NPIPB11: variants seen among roughly 807,000 people sequenced by gnomAD.
NPIPB11 encodes the protein nuclear pore complex-interacting protein family member B11.
NPIPB11 carries 17 observed loss-of-function variants against 32.8 expected under a neutral mutation model. The ratio of observed to expected loss-of-function variants is 0.52; its 90% CI spans 0.35 to 0.78. The LOEUF (loss-of-function observed/expected upper bound fraction) is 0.78, where lower values mean the gene tolerates loss of function less well. NPIPB11 is among the 30% of genes least tolerant of loss of function. The pLI is 0.01. For synonymous variants in NPIPB11, 209 were observed against 398.4 expected, an observed-to-expected ratio of 0.52 and a Z score of 5.66; for missense variants, 537 against 1,000.4, an observed-to-expected ratio of 0.54 and a Z score of 6.25.
At chr16:29,383,007 C>G (rs768890279) in exon 8 of NPIPB11, 2 of 1,606,614 alleles carry the variant, frequency 1.2e-6, no homozygotes, top group Non-Finnish European at 1.7e-6. Context: ...CGGAAGGTGT[C>G]TTGAGATTAT....
upstream of NPIPB11, among the ~76,000 whole-genome samples, chr16:29,405,871 C>T (rs1350196039): frequency 6.6e-6 from 1 of 152,220 alleles, no homozygotes; most frequent in Non-Finnish European, 1.5e-5. Flanking sequence ...ACACTCATAA[C>T]CCTGTACACA....
intron 2 of NPIPB11, among the ~76,000 whole-genome samples, chr16:29,394,369 C>T (rs527964816): frequency 2.0e-5 from 3 of 150,728 alleles, no homozygotes; most frequent in South Asian, 4.2e-4. Context: ...GCAAAGTTGT[C>T]TTGAGCCACA....
At chr16:29,394,297 G>C (rs1337902709) in intron 2 of NPIPB11, among the ~76,000 whole-genome samples, 3 of 152,102 alleles carry the variant, frequency 2.0e-5, no homozygotes, top group Admixed American at 1.3e-4. Flanking sequence ...GTGGGGTGTT[G>C]TCTTTCTTGG....
chr16:29,406,317 G>A (rs570275330), upstream of NPIPB11, among the ~76,000 whole-genome samples: 26 of 152,388 alleles, frequency 1.7e-4, no homozygotes, highest in African/African-American at 5.8e-4. Flanking sequence ...TTATGGGTAT[G>A]TTGTTGATAT....
intron 3 of NPIPB11, among the ~76,000 whole-genome samples, chr16:29,391,947 C>G (rs1963732428): frequency 6.6e-6 from 1 of 151,994 alleles, no homozygotes; most frequent in Non-Finnish European, 1.5e-5. Flanking sequence ...TCTTGAACTC[C>G]TGACCTCAAG....
intron 2 of NPIPB11, among the ~76,000 whole-genome samples, chr16:29,400,253 A>G (rs1297126424): frequency 6.7e-6 from 1 of 149,256 alleles, no homozygotes; most frequent in East Asian, 2.0e-4. Context: ...AGGGAAAGGA[A>G]GATGTGAGCA....
chr16:29,402,207 C>T (rs1964007766), intron 2 of NPIPB11, among the ~76,000 whole-genome samples: 1 of 133,300 alleles, frequency 7.5e-6, no homozygotes. Flanking sequence ...GGGCCTGGCA[C>T]ACACAGTGAG....
intron 3 of NPIPB11, 110 bp downstream of exon 3, chr16:29,393,838 T>C (rs1162526787): frequency 8.3e-6 from 10 of 1,208,618 alleles, no homozygotes; most frequent in Non-Finnish European, 1.1e-5. Flanking sequence ...CCCTGATTTT[T>C]TGGGTAAAAC....
In NPIPB11 at chr16:29,383,231, G is replaced by GGTGGAAGT; in HGVS notation, c.1700_1701insACTTCCAC (p.Ser571PhefsTer29). Reference sequence around the variant, plus strand: ...CTGAGGGTGGAGCTGAGGGTGGAAGGGGAGTGAGCTGACGCTCGGAAGGTG... The same window carrying GGTGGAAGT: ...CTGAGGGTGGAGCTGAGGGTGGAAGGGTGGAAGTGGAGTGAGCTGACGCTCGGAAGGTG... On this transcript the variant is annotated frameshift_variant, in exon 8 of 8. Transcript: ENST00000524087. LOFTEE classifies it low-confidence loss of function (END_TRUNC). 1 of 1,506,780 alleles carries GGTGGAAGT rather than the reference G, an allele frequency of 6.6e-7. No homozygotes were observed. Among genetic ancestry groups the GGTGGAAGT allele is most frequent in the South Asian group, 1.2e-5 (1 of 83,314 alleles). The allele number at this position is 1,506,780 out of a possible 1,614,324, so 93.3% of individuals were successfully genotyped here. A position where few individuals can be genotyped will look rare whatever the true frequency, so the allele number is the denominator to read the frequency against.
exon 5 of NPIPB11, chr16:29,390,080 T>C (rs1963677426): frequency 3.2e-6 from 5 of 1,579,302 alleles, no homozygotes; most frequent in East Asian, 4.5e-5. Context: ...AGGCCAATTT[T>C]ATTTCCTCGA....
exon 3 of NPIPB11, chr16:29,394,008 A>T: frequency 1.3e-6 from 2 of 1,599,370 alleles, no homozygotes; most frequent in South Asian, 1.1e-5. Context: ...ACGCAATAAT[A>T]ATATGTAACC....
chr16:29,398,589 A>G (rs1963917076), intron 2 of NPIPB11, among the ~76,000 whole-genome samples: 1 of 151,756 alleles, frequency 6.6e-6, no homozygotes, highest in Admixed American at 6.6e-5. Flanking sequence ...GCAAATCTCA[A>G]TATATTTGAG....
At chr16:29,402,722 C>CTG (rs1245633106) in intron 2 of NPIPB11, among the ~76,000 whole-genome samples, 3,250 of 113,312 alleles carry the variant, frequency 0.029, 93 homozygotes, top group African/African-American at 0.096. Context: ...CTCTCTCTCT[C>CTG]TCTGTGTGTG....
chr16:29,393,826 T>G (rs1326896292), intron 3 of NPIPB11, 122 bp downstream of exon 3: 2 of 1,224,272 alleles, frequency 1.6e-6, no homozygotes, highest in East Asian at 5.2e-5. Context: ...AATAAATCAT[T>G]TCCCTGATTT....
At chr16:29,404,640 C>T (rs1309230103), upstream of NPIPB11, among the ~76,000 whole-genome samples, 2 of 150,986 alleles carry the variant, frequency 1.3e-5, no homozygotes, top group African/African-American at 2.4e-5. Context: ...AGGTCCAAGA[C>T]TGGGTAGTTC....
chr16:29,392,320 C>T (rs532794474), intron 3 of NPIPB11, among the ~76,000 whole-genome samples: 7 of 151,986 alleles, frequency 4.6e-5, no homozygotes, highest in African/African-American at 1.4e-4. Flanking sequence ...GTATAGATGA[C>T]TAGATGACAA....
chr16:29,399,748 G>A (rs1963944462), intron 2 of NPIPB11, among the ~76,000 whole-genome samples: 1 of 151,226 alleles, frequency 6.6e-6, no homozygotes, highest in African/African-American at 2.4e-5. Flanking sequence ...ACAAAACTAT[G>A]GAATTCAATT....
intron 4 of NPIPB11, 56 bp from the exon 5 acceptor site, chr16:29,390,192 T>A: frequency 6.4e-7 from 1 of 1,554,116 alleles, no homozygotes; most frequent in Non-Finnish European, 8.7e-7. Flanking sequence ...GAAGCTGTTC[T>A]TTCCCTTTCC....
At chr16:29,401,184 A>C (rs904942550) in intron 2 of NPIPB11, among the ~76,000 whole-genome samples, 5 of 152,166 alleles carry the variant, frequency 3.3e-5, no homozygotes, top group African/African-American at 1.2e-4. Flanking sequence ...AGCACTCTTG[A>C]ACCTGTGCAA....
Sources: allele counts gnomAD v4.1 joint callset (sites outside exome capture counted in the v4.1 genomes callset), GRCh38; gene constraint gnomAD v4.1.1; transcripts MANE v1.5; gene names NCBI Gene and HGNC (gene_info 2026-07-23, HGNC 2026-07-21).